MELK: variants seen among roughly 807,000 people sequenced by gnomAD.
The protein encoded by MELK is pEg3 kinase.
Under a neutral mutation model 85.0 loss-of-function variants are expected in MELK, and 81 were observed. The ratio of observed to expected loss-of-function variants is 0.95; its 90% CI spans 0.80 to 1.15. MELK has a LOEUF of 1.15. Ranked by LOEUF, MELK falls within the 50% of genes most tolerant of loss-of-function variation. MELK has a pLI of 0.00. For synonymous variants in MELK, 252 were observed against 265.0 expected (o/e 0.95, Z 0.48); for missense variants, 754 against 777.5 (o/e 0.97, Z 0.36).
At position 36,608,417 on chromosome 9, in the gene MELK, GTA is replaced by G. The variant is rs543732493; in HGVS notation, c.666+760_666+761del. On this transcript the variant is annotated intron_variant, in intron 8 of 17. Coordinates refer to ENST00000298048, the MANE Select transcript of MELK (RefSeq NM_014791.4). Reference sequence around the variant, plus strand: ...ATAAATTAAACTTTATCAAACTTGTGTATATATATATATATATGGAAAGAAAC... The same window carrying G: ...ATAAATTAAACTTTATCAAACTTGTGTATATATATATATATGGAAAGAAAC... Among the ~76,000 whole-genome samples, 834 of 147,980 alleles carry G rather than the reference GTA, an allele frequency of 5.6e-3. 8 individuals are homozygous for G. Among genetic ancestry groups the G allele is most frequent in the Non-Finnish European group, 8.7e-3 (581 of 66,828 alleles).
chr9:36,594,904 A>G lies in MELK; in HGVS notation c.405+133A>G, dbSNP rs564398422. On this transcript the variant is annotated intron_variant, in intron 5 of 17. Transcript: ENST00000298048. ...TGTTGTTGCTCCAGTCATACCTATC[A>G]GATTTCTTTTTTCCTCTTACTTTTT... 17 of 958,350 alleles carry G rather than the reference A, an allele frequency of 1.8e-5. No individual in the cohort carries two copies. In the East Asian group the frequency reaches 3.9e-4, roughly 22 times the overall value. The allele number at this position is 958,350 out of a possible 1,614,324, so 59.4% of individuals were successfully genotyped here.
intron 1 of MELK, among the ~76,000 whole-genome samples, chr9:36,575,286 A>G (rs1298765799): frequency 2.0e-5 from 3 of 152,308 alleles, no homozygotes; most frequent in South Asian, 4.1e-4. Context: ...TTGACTGATA[A>G]TATACCTCCT....
intron 12 of MELK, among the ~76,000 whole-genome samples, chr9:36,653,384 A>G (rs1830903516): frequency 6.6e-6 from 1 of 152,130 alleles, no homozygotes; most frequent in Non-Finnish European, 1.5e-5. Flanking sequence ...GGGCTCAAGC[A>G]GTCCTCCCTC....
intron 8 of MELK, among the ~76,000 whole-genome samples, chr9:36,608,741 C>T (rs1825806315): frequency 6.6e-6 from 1 of 152,052 alleles, no homozygotes. Flanking sequence ...GCCACCACGC[C>T]CGGCTAATTT....
intron 16 of MELK, among the ~76,000 whole-genome samples, chr9:36,672,353 A>G (rs1173366487): frequency 2.0e-5 from 3 of 152,314 alleles, no homozygotes; most frequent in Admixed American, 6.5e-5. Flanking sequence ...GTACCATTGC[A>G]CTGAAAAATG....
chr9:36,593,270 C>T (rs1823827291), intron 4 of MELK, among the ~76,000 whole-genome samples: 1 of 151,180 alleles, frequency 6.6e-6, no homozygotes, highest in Non-Finnish European at 1.5e-5. Flanking sequence ...TGTTATTCCC[C>T]ACAAATTCGT....
At chr9:36,590,284 G>A (rs1281180172) in intron 4 of MELK, among the ~76,000 whole-genome samples, 1 of 152,070 alleles carries the variant, frequency 6.6e-6, no homozygotes, top group African/African-American at 2.4e-5. Flanking sequence ...TACAGACTTG[G>A]TGGCTTAAAG....
intron 1 of MELK, among the ~76,000 whole-genome samples, chr9:36,578,094 GCTT>G (rs936364714): frequency 2.6e-5 from 4 of 152,084 alleles, no homozygotes; most frequent in African/African-American, 4.8e-5. Flanking sequence ...CTATCTTTAC[GCTT>G]CTTCCTTTTG....
At chr9:36,649,999 A>G (rs889084570) in intron 11 of MELK, among the ~76,000 whole-genome samples, 6 of 151,878 alleles carry the variant, frequency 4.0e-5, no homozygotes, top group Non-Finnish European at 8.8e-5. Context: ...GCTGGAGTGC[A>G]GTGGCACGAT....
intron 8 of MELK, among the ~76,000 whole-genome samples, chr9:36,608,195 G>C (rs1825739666): frequency 6.7e-6 from 1 of 149,956 alleles, no homozygotes; most frequent in African/African-American, 2.5e-5. Context: ...CAGGAGAATG[G>C]GGTGAACCCA....
chr9:36,663,438 G>C (rs1454976995), intron 13 of MELK, among the ~76,000 whole-genome samples: 4 of 152,086 alleles, frequency 2.6e-5, no homozygotes, highest in African/African-American at 9.7e-5. Flanking sequence ...AATTTTCTTA[G>C]ATGCATAGTG....
intron 12 of MELK, among the ~76,000 whole-genome samples, chr9:36,652,723 C>CT (rs1830830502): frequency 1.2e-5 from 1 of 81,990 alleles, no homozygotes; most frequent in Non-Finnish European, 2.4e-5. Flanking sequence ...GAGCAAGACT[C>CT]TGTCTCAAAA....
At chr9:36,593,589 A>G (rs1200800435) in intron 4 of MELK, among the ~76,000 whole-genome samples, 2 of 152,234 alleles carry the variant, frequency 1.3e-5, no homozygotes, top group Non-Finnish European at 2.9e-5. Context: ...ATAGCAGCCC[A>G]AATGGACTAA....
chr9:36,596,070 C>T (rs1389137172), intron 5 of MELK, among the ~76,000 whole-genome samples: 1 of 152,166 alleles, frequency 6.6e-6, no homozygotes, highest in East Asian at 1.9e-4. Context: ...CCTGCCTTGG[C>T]CTTCCAAAGT....
At chr9:36,615,300 T>A (rs867126035) in intron 8 of MELK, among the ~76,000 whole-genome samples, 1 of 39,648 alleles carries the variant, frequency 2.5e-5, no homozygotes, top group African/African-American at 1.2e-4. Flanking sequence ...GGGGGGCTGA[T>A]CCCCCCACCT....
At chr9:36,621,045 C>T (rs963608569) in intron 8 of MELK, among the ~76,000 whole-genome samples, 9 of 151,310 alleles carry the variant, frequency 5.9e-5, no homozygotes, top group African/African-American at 1.2e-4. Context: ...CTGAGGTGGG[C>T]GAATCACGAG....
intron 4 of MELK, among the ~76,000 whole-genome samples, chr9:36,591,063 G>A (rs1023084680): frequency 2.0e-5 from 3 of 152,166 alleles, no homozygotes; most frequent in Admixed American, 6.5e-5. Flanking sequence ...CTGTACTCCA[G>A]CCTGGGTGAC....
At chr9:36,589,124 G>T (rs1722993720) in intron 3 of MELK, among the ~76,000 whole-genome samples, 1 of 151,862 alleles carries the variant, frequency 6.6e-6, no homozygotes, top group African/African-American at 2.4e-5. Flanking sequence ...CAGTTTTTGG[G>T]GGGCTTTTTG....
At chr9:36,649,362 C>T (rs1564204429) in intron 11 of MELK, among the ~76,000 whole-genome samples, 1 of 152,108 alleles carries the variant, frequency 6.6e-6, no homozygotes. Flanking sequence ...TGGCGGGCGC[C>T]TGTAGTCCCA....
Sources: allele counts gnomAD v4.1 joint callset (sites outside exome capture counted in the v4.1 genomes callset), GRCh38; gene constraint gnomAD v4.1.1; transcripts MANE v1.5; gene names NCBI Gene and HGNC (gene_info 2026-07-23, HGNC 2026-07-21).